Variants in CHST8 observed in about 807,000 individuals in gnomAD.
CHST8 encodes carbohydrate sulfotransferase 8, also known as GALNAC-4-ST1.
CHST8 carries 10 observed loss-of-function variants against 15.0 expected under a neutral mutation model. That is an observed-to-expected ratio of 0.67 (90% CI 0.41 to 1.13). The LOEUF (loss-of-function observed/expected upper bound fraction) is 1.13. Among genes scored for constraint, CHST8 ranks in the 50% most tolerant of loss-of-function variants. The pLI is 0.00. For synonymous variants in CHST8, 259 were observed against 256.6 expected, an observed-to-expected ratio of 1.01 and a Z score of -0.09; for missense variants, 634 against 608.2, an observed-to-expected ratio of 1.04 and a Z score of -0.45.
At chr19:33,720,861 C>A (rs1973776763) in intron 3 of CHST8, among the ~76,000 whole-genome samples, 1 of 152,262 alleles carries the variant, frequency 6.6e-6, no homozygotes. Context: ...GCTTCCATAT[C>A]AGTGAGGGCC....
intron 3 of CHST8, among the ~76,000 whole-genome samples, chr19:33,690,119 T>G (rs1439975296): frequency 1.3e-5 from 2 of 152,114 alleles, no homozygotes; most frequent in Non-Finnish European, 2.9e-5. Flanking sequence ...GCCTGGGAAC[T>G]CTCTGCTTTG....
chr19:33,709,129 G>T (rs1973501157), intron 3 of CHST8, among the ~76,000 whole-genome samples: 1 of 152,156 alleles, frequency 6.6e-6, no homozygotes, highest in Non-Finnish European at 1.5e-5. Context: ...AATTCCCTAA[G>T]ATTTTCTACA....
intron 2 of CHST8, among the ~76,000 whole-genome samples, chr19:33,668,839 T>A (rs931853091): frequency 3.3e-5 from 5 of 152,166 alleles, no homozygotes; most frequent in Non-Finnish European, 5.9e-5. Context: ...CTCTCGTGCG[T>A]GTGTGTCGCC....
intron 3 of CHST8, among the ~76,000 whole-genome samples, chr19:33,752,469 A>C (rs1379432543): frequency 1.3e-5 from 2 of 152,036 alleles, no homozygotes. Flanking sequence ...ATTAATATTA[A>C]TGTGTTGGCC....
At chr19:33,727,573 C>G (rs1017934333) in intron 3 of CHST8, among the ~76,000 whole-genome samples, 4 of 152,148 alleles carry the variant, frequency 2.6e-5, no homozygotes, top group East Asian at 1.9e-4. Context: ...TGCATCTTGT[C>G]GCGCCTGGCT....
At chr19:33,764,605 A>G (rs1018047678) in intron 3 of CHST8, among the ~76,000 whole-genome samples, 1 of 152,198 alleles carries the variant, frequency 6.6e-6, no homozygotes, top group Non-Finnish European at 1.5e-5. Flanking sequence ...AAAAATGCTC[A>G]ATCCCAGCTC....
intron 3 of CHST8, among the ~76,000 whole-genome samples, chr19:33,748,250 C>T (rs1243440584): frequency 6.6e-6 from 1 of 152,234 alleles, no homozygotes; most frequent in Non-Finnish European, 1.5e-5. Flanking sequence ...CTCAGGGACC[C>T]TCCACATCCC....
At chr19:33,770,636 G>A (rs997998992) in intron 3 of CHST8, among the ~76,000 whole-genome samples, 1 of 152,222 alleles carries the variant, frequency 6.6e-6, no homozygotes, top group South Asian at 2.1e-4. Context: ...CCAGGCATGG[G>A]CCTCCTTGGT....
At chr19:33,765,513 T>TGTGTG (rs1974816215) in intron 3 of CHST8, among the ~76,000 whole-genome samples, 176 of 131,724 alleles carry the variant, frequency 1.3e-3, no homozygotes, top group African/African-American at 5.0e-3. Flanking sequence ...ATGCCAGTCT[T>TGTGTG]TGTGTGTGTG....
At chr19:33,742,218 C>T (rs1197457314) in intron 3 of CHST8, among the ~76,000 whole-genome samples, 1 of 152,086 alleles carries the variant, frequency 6.6e-6, no homozygotes, top group South Asian at 2.1e-4. Context: ...TGTGGTCTCT[C>T]CTTTGGTCAC....
Position 33,736,847 on chromosome 19 carries a change from A to T in CHST8, c.131-34566A>T, listed in dbSNP as rs534060291. 5.3e-5 allele frequency among the ~76,000 whole-genome samples: 8 copies of T among 152,258 alleles called. No homozygotes were observed. In the South Asian group the frequency reaches 1.7e-3, roughly 32 times the overall value. ...CATGGTGTGTCACTGCCATTCTGAG[A>T]TAGGAGTTCAGCAGGACTAGTTTCC... On this transcript the variant is annotated intron_variant, in intron 3 of 4. Coordinates refer to ENST00000650847, the MANE Select transcript of CHST8 (RefSeq NM_001127895.2).
intron 1 of CHST8, among the ~76,000 whole-genome samples, chr19:33,630,096 C>T (rs989741170): frequency 7.2e-5 from 11 of 152,236 alleles, no homozygotes; most frequent in African/African-American, 2.4e-4. Context: ...GACTCATCAG[C>T]CTAGGCTTGC....
chr19:33,673,036 A>G (rs530647480), intron 2 of CHST8, among the ~76,000 whole-genome samples: 11 of 152,244 alleles, frequency 7.2e-5, no homozygotes, highest in Non-Finnish European at 1.3e-4. Context: ...TGGGTTTGCA[A>G]TCACCTCCAG....
chr19:33,683,488 T>G (rs1972925031), intron 2 of CHST8, among the ~76,000 whole-genome samples: 2 of 152,206 alleles, frequency 1.3e-5, no homozygotes, highest in Admixed American at 6.5e-5. Flanking sequence ...GGGCCGTTTC[T>G]TCCTTGCTTC....
At chr19:33,744,011 G>A (rs1033259920) in intron 3 of CHST8, among the ~76,000 whole-genome samples, 1 of 151,712 alleles carries the variant, frequency 6.6e-6, no homozygotes, top group Non-Finnish European at 1.5e-5. Flanking sequence ...GGCTGGTCTC[G>A]AACTCCTGAC....
intron 3 of CHST8, among the ~76,000 whole-genome samples, chr19:33,729,069 G>A (rs1973951505): frequency 6.6e-6 from 1 of 152,206 alleles, no homozygotes; most frequent in Non-Finnish European, 1.5e-5. Context: ...GGGCAGAGAG[G>A]AGATGGGCAC....
chr19:33,644,056 C>T (rs1383921485), intron 1 of CHST8, among the ~76,000 whole-genome samples: 2 of 152,128 alleles, frequency 1.3e-5, no homozygotes, highest in Admixed American at 6.6e-5. Context: ...TCTCAGCTTC[C>T]CGAGTAGCTG....
chr19:33,650,518 C>CTTTTCTTTTTTT (rs1972428902), intron 1 of CHST8, among the ~76,000 whole-genome samples: 2 of 36,070 alleles, frequency 5.5e-5, no homozygotes, highest in African/African-American at 2.6e-4. Flanking sequence ...TTTTTCTTTT[C>CTTTTCTTTTTTT]TTTTTTTTTT....
At chr19:33,737,576 C>T (rs182922649) in intron 3 of CHST8, among the ~76,000 whole-genome samples, 136 of 152,322 alleles carry the variant, frequency 8.9e-4, no homozygotes, top group Admixed American at 7.5e-3. Context: ...ATTGTCCCCA[C>T]GGACTACTGG....
Sources: gnomAD v4.1 joint callset for allele counts (sites outside exome capture counted in the v4.1 genomes callset) on GRCh38, gnomAD v4.1.1 for gene constraint, MANE v1.5 for transcripts, NCBI Gene and HGNC (gene_info 2026-07-23, HGNC 2026-07-21) for gene names.